VGLL4: variants seen among roughly 807,000 people sequenced by gnomAD.
The protein encoded by VGLL4 is vestigial like family member 4.
A neutral mutation model predicts 21.0 loss-of-function variants in VGLL4; 7 were observed. The ratio of observed to expected loss-of-function variants is 0.33; its 90% CI spans 0.19 to 0.63. The LOEUF (loss-of-function observed/expected upper bound fraction) is 0.63. Ranked by LOEUF, VGLL4 falls within the 20% of genes least tolerant of loss-of-function variation. The pLI, the probability that VGLL4 is intolerant of heterozygous loss-of-function variation, is 0.78. For synonymous variants in VGLL4, 222 were observed against 173.2 expected, an observed-to-expected ratio of 1.28 and a Z score of -2.21; for missense variants, 394 against 425.7, an observed-to-expected ratio of 0.93 and a Z score of 0.66.
At chr3:11,652,383 A>C (rs1344117370) in intron 2 of VGLL4, among the ~76,000 whole-genome samples, 1 of 152,186 alleles carries the variant, frequency 6.6e-6, no homozygotes, top group African/African-American at 2.4e-5. Context: ...ATTTAACCTT[A>C]ATAATCCTAA....
chr3:11,601,515 C>CA (rs1022593020), intron 2 of VGLL4, among the ~76,000 whole-genome samples: 3 of 151,408 alleles, frequency 2.0e-5, no homozygotes, highest in Non-Finnish European at 4.4e-5. Context: ...TATGTATGGG[C>CA]AAAAAAAAGC....
rs1337340576 is a variant in VGLL4 at position 11,561,826 on chromosome 3, C to A, written c.496-2371G>T. 5.9e-5 allele frequency among the ~76,000 whole-genome samples: 9 copies of A among 151,842 alleles called. No individual in the cohort carries two copies. The South Asian group carries it at 1.9e-3, about 32-fold the overall frequency. The stretch of plus-strand genomic sequence containing the variant: ...TGACTGTCCTCAGACAGAGGCTGCC[C>A]CGGGGGAGAGGGCTCCCACCACCTC... On this transcript the variant is annotated intron_variant, in intron 3 of 4. Coordinates refer to ENST00000430365, the MANE Select transcript of VGLL4 (RefSeq NM_001128219.3).
chr3:11,559,191 C>G, intron 4 of VGLL4, 141 bp downstream of exon 4: 1 of 1,377,762 alleles, frequency 7.3e-7, no homozygotes, highest in Non-Finnish European at 9.5e-7. Flanking sequence ...TAGGCGCACA[C>G]TGGACGTGCT....
At chr3:11,645,998 A>G (rs2075785087), upstream of VGLL4, among the ~76,000 whole-genome samples, 5 of 152,190 alleles carry the variant, frequency 3.3e-5, no homozygotes, top group Non-Finnish European at 2.9e-5. Context: ...CAAAAAAACT[A>G]TATGACATCT....
At chr3:11,695,825 G>T (rs7621789) in intron 2 of VGLL4, among the ~76,000 whole-genome samples, 8,439 of 152,152 alleles carry the variant, frequency 0.055, 275 homozygotes, top group Middle Eastern at 0.092. Flanking sequence ...TTTAGGATAT[G>T]AAAGTAAAAA....
intron 1 of VGLL4, among the ~76,000 whole-genome samples, chr3:11,630,287 T>C (rs1360958595): frequency 6.6e-6 from 1 of 152,200 alleles, no homozygotes; most frequent in Non-Finnish European, 1.5e-5. Context: ...CACCTTAATA[T>C]TGTCCATAAA....
intron 2 of VGLL4, among the ~76,000 whole-genome samples, chr3:11,693,741 G>A (rs949282957): frequency 1.3e-5 from 2 of 152,174 alleles, no homozygotes; most frequent in African/African-American, 2.4e-5. Flanking sequence ...ATGAAGGACT[G>A]TCCCCGAGCA....
intron 1 of VGLL4, among the ~76,000 whole-genome samples, chr3:11,607,708 TAAAC>T (rs1466678236): frequency 6.6e-6 from 1 of 152,188 alleles, no homozygotes; most frequent in African/African-American, 2.4e-5. Context: ...ACTAAACTAT[TAAAC>T]AATTAAGAAC....
At chr3:11,633,775 A>G (rs1336095797) in intron 1 of VGLL4, 1 of 152,222 alleles carries the variant, frequency 6.6e-6, no homozygotes, top group Non-Finnish European at 1.5e-5. Context: ...AGAAAGGAAC[A>G]GGGAGATTTC....
rs1177481811 is a variant in VGLL4 at position 11,556,806 on chromosome 3, C to T, written c.*1750G>A. The T allele has an allele frequency of 6.5e-6, 1 of 152,736 alleles. No homozygotes were observed. Among genetic ancestry groups the T allele is most frequent in the South Asian group, 2.1e-4 (1 of 4,834 alleles). The allele number at this position is 152,736 out of a possible 1,614,324, so 9.5% of individuals were successfully genotyped here. On this transcript the variant is annotated 3_prime_UTR_variant, in exon 5 of 5. Coordinates refer to ENST00000430365, the MANE Select transcript of VGLL4 (RefSeq NM_001128219.3). ...AAAGTGTTCTCAACGATTTTTCCTA[C>T]AGAAAATATAGGGGCCTGAATGCCA...
intron 1 of VGLL4, among the ~76,000 whole-genome samples, chr3:11,637,508 A>G (rs1354819931): frequency 1.3e-5 from 2 of 152,244 alleles, no homozygotes; most frequent in Non-Finnish European, 2.9e-5. Context: ...ATAGCAACAC[A>G]TTAAAGAGGA....
chr3:11,596,619 G>A (rs1486320790), intron 2 of VGLL4, among the ~76,000 whole-genome samples: 2 of 152,174 alleles, frequency 1.3e-5, no homozygotes, highest in African/African-American at 4.8e-5. Flanking sequence ...AAAGGATCTA[G>A]AAACAGCACT....
chr3:11,604,568 G>C lies in VGLL4; in HGVS notation c.83-2546C>G, dbSNP rs2074889515. 2 of 927,432 alleles carry C rather than the reference G, an allele frequency of 2.2e-6. 1 individual carries two copies. The highest frequency in any genetic ancestry group is 3.7e-5 in the African/African-American group (2 of 54,542). The allele number at this position is 927,432 out of a possible 1,614,324, so 57.5% of individuals were successfully genotyped here. ...AAGAGTGGTAACTGTTGTATGTGTG[G>C]TGGGGTTAAAATTATTTTTGTAAAA... On this transcript the variant is annotated intron_variant, in intron 1 of 4. Transcript: ENST00000430365.
intron 1 of VGLL4, among the ~76,000 whole-genome samples, chr3:11,612,927 C>T (rs9839607): frequency 0.084 from 12,766 of 152,232 alleles, 961 homozygotes; most frequent in African/African-American, 0.19. Flanking sequence ...TAACATTTTA[C>T]TGTTAATGAG....
intron 2 of VGLL4, among the ~76,000 whole-genome samples, chr3:11,583,020 T>G (rs1258491718): frequency 1.3e-5 from 2 of 152,196 alleles, no homozygotes; most frequent in African/African-American, 4.8e-5. Flanking sequence ...AGTTGCTAAG[T>G]CTGCAGATGT....
chr3:11,584,923 TCCACCACCA>T (rs150855339), intron 2 of VGLL4, among the ~76,000 whole-genome samples: 8 of 151,302 alleles, frequency 5.3e-5, no homozygotes, highest in South Asian at 4.2e-4. Flanking sequence ...CACCCAGGGA[TCCACCACCA>T]CCACCACCAC....
In VGLL4 at chr3:11,700,992, T is replaced by TA. The variant is rs2076673362; in HGVS notation, c.64+1978dup. On this transcript the variant is annotated intron_variant, in intron 2 of 5. Transcript: ENST00000273038. The stretch of plus-strand genomic sequence containing the variant: ...ATTATACAAGAGGTTGAAAAAACCT[T>TA]ACTAGATACCTCACGCAATCACTGG... Among the ~76,000 whole-genome samples the TA allele has an allele frequency of 3.3e-5, 5 of 152,140 alleles. No individual in the cohort carries two copies. The South Asian group carries it at 1.0e-3, about 32-fold the overall frequency.
chr3:11,614,199 C>T (rs2075116048), intron 1 of VGLL4, among the ~76,000 whole-genome samples: 1 of 152,256 alleles, frequency 6.6e-6, no homozygotes, highest in Non-Finnish European at 1.5e-5. Context: ...GCATACTCAT[C>T]TGCACTTTCA....
chr3:11,622,967 T>C (rs2075291794), intron 1 of VGLL4, among the ~76,000 whole-genome samples: 1 of 152,236 alleles, frequency 6.6e-6, no homozygotes, highest in African/African-American at 2.4e-5. Context: ...ACCCATTTAC[T>C]TACATACTTG....
Sources: allele counts gnomAD v4.1 joint callset (sites outside exome capture counted in the v4.1 genomes callset), GRCh38; gene constraint gnomAD v4.1.1; transcripts MANE v1.5; gene names NCBI Gene and HGNC (gene_info 2026-07-23, HGNC 2026-07-21).